Variants in HTT observed in about 807,000 individuals in gnomAD.
HTT encodes the protein huntington disease protein.
HTT carries 104 observed loss-of-function variants against 362.3 expected under a neutral mutation model. The ratio of observed to expected loss-of-function variants is 0.29; its 90% CI spans 0.24 to 0.34. The LOEUF is 0.34. Ranked by LOEUF, HTT falls within the 10% of genes least tolerant of loss-of-function variation. The pLI is 1.00. For synonymous variants in HTT, 1,577 were observed against 1,548.7 expected (o/e 1.02, Z -0.43); for missense variants, 3,301 against 3,928.6 (o/e 0.84, Z 4.27).
intron 49 of HTT, 130 bp from the exon 50 acceptor site, chr4:3,213,825 CCTT>C (rs1192093859): frequency 8.9e-6 from 6 of 673,668 alleles, no homozygotes; most frequent in Non-Finnish European, 1.4e-5. Context: ...TCAGAGCTGT[CCTT>C]CTGGAAGGGC....
At position 3,135,944 on chromosome 4, in the gene HTT, A is replaced by G; in HGVS notation, c.2674A>G (p.Arg892Gly). Residue 892 changes from arginine to glycine, a missense_variant, in exon 20 of 67, where the codon AGA becomes GGA. Arg to Gly is a moderately radical substitution (Grantham distance 125). This residue lies in a region of HTT where 2,316 missense variants were observed against 2,658.5 expected (regional missense o/e 0.87). Transcript: ENST00000355072. ...GGAGGCAAAAGCAGAAAACTTACAC[A>G]GAGGGGCTCATCATTATACAGGGGT... ...FLEAKAENLH[R>G]GAHHYTGLLK... The G allele has an allele frequency of 6.2e-7, 1 of 1,605,074 alleles. No individual in the cohort carries two copies. Among genetic ancestry groups the G allele is most frequent in the Non-Finnish European group, 8.5e-7 (1 of 1,177,180 alleles).
intron 60 of HTT, among the ~76,000 whole-genome samples, chr4:3,231,735 G>T (rs1386639487): frequency 6.6e-6 from 1 of 152,150 alleles, no homozygotes; most frequent in Non-Finnish European, 1.5e-5. Flanking sequence ...TTGCCCACAC[G>T]ATGTCAAAGC....
Position 3,105,441 on chromosome 4 carries a change from GT to G in HTT, c.608+7del, listed in dbSNP as rs773551460. On this transcript the variant is annotated splice_donor_region_variant and intron_variant, in intron 5 of 66. Transcript: ENST00000355072. The stretch of plus-strand genomic sequence containing the variant: ...GGTTCGGCCTCAGAAATGCAGGTAA[GT>G]TGTACACTCTGGATGTTGGTTTTTG... 5.4e-5 allele frequency: 86 copies of G among 1,601,326 alleles called. No homozygotes were observed. In the African/African-American group the frequency reaches 9.8e-4, roughly 18 times the overall value.
At chr4:3,239,108 C>G (rs558454631) in intron 66 of HTT, 130 bp downstream of exon 66, 2 of 962,398 alleles carry the variant, frequency 2.1e-6, no homozygotes, top group East Asian at 5.3e-5. Context: ...GGCCCTCAGC[C>G]CCAGGGAAGT....
At chr4:3,116,406 T>G in intron 8 of HTT, 143 bp downstream of exon 8, 2 of 659,902 alleles carry the variant, frequency 3.0e-6, no homozygotes, top group Non-Finnish European at 5.2e-6. Context: ...CCCTAGGTGC[T>G]GACCTCTAGC....
At chr4:3,083,844 C>T (rs911437883) in intron 1 of HTT, among the ~76,000 whole-genome samples, 7 of 152,256 alleles carry the variant, frequency 4.6e-5, no homozygotes, top group African/African-American at 1.7e-4. Flanking sequence ...CTCAAGTATG[C>T]ATAGCAGCTT....
At chr4:3,184,097 A>G (rs892935058) in intron 37 of HTT, among the ~76,000 whole-genome samples, 4 of 151,790 alleles carry the variant, frequency 2.6e-5, no homozygotes, top group Non-Finnish European at 4.4e-5. Flanking sequence ...GAGGGAAGAG[A>G]GTTAGGTGGT....
At chr4:3,157,303 G>A (rs1717197591) in intron 28 of HTT, 104 bp downstream of exon 28, 7 of 1,086,538 alleles carry the variant, frequency 6.4e-6, no homozygotes, top group Admixed American at 2.4e-5. Context: ...AGCCCTTTGA[G>A]ATATGAGTTA....
At position 3,222,447 on chromosome 4, in the gene HTT, C is replaced by G; in HGVS notation, c.7430C>G (p.Thr2477Arg). 1.9e-6 allele frequency: 3 copies of G among 1,614,156 alleles called. No homozygotes were observed. Among genetic ancestry groups the G allele is most frequent in the Non-Finnish European group, 2.5e-6 (3 of 1,180,036 alleles). The change falls in exon 54 of 67, where the codon ACG becomes AGG. Residue 2477 changes from threonine (T) to arginine (R), a missense_variant. Coordinates refer to ENST00000355072, the MANE Select transcript of HTT (RefSeq NM_001388492.1). The part of the protein sequence containing the change: ...TWATLLGVLV[T>R]QPLVMEQEES... ...GCCACCCTCCTTGGTGTCCTGGTGA[C>G]GCAGCCCCTCGTGATGGAGCAGGAG...
chr4:3,087,178 C>A (rs1049501890), intron 2 of HTT, among the ~76,000 whole-genome samples, 156 bp downstream of exon 2: 3 of 152,176 alleles, frequency 2.0e-5, no homozygotes, highest in African/African-American at 7.2e-5. Flanking sequence ...TGGCTATATA[C>A]AAGGATATCC....
At chr4:3,160,489 G>A (rs2110218199) in intron 29 of HTT, 97 bp downstream of exon 29, 1 of 852,544 alleles carries the variant, frequency 1.2e-6, no homozygotes, top group Non-Finnish European at 1.9e-6. Context: ...GTTCTCCAGG[G>A]TGCCTCCGGG....
chr4:3,143,889 C>A (rs1245784265), intron 23 of HTT, among the ~76,000 whole-genome samples: 1 of 152,110 alleles, frequency 6.6e-6, no homozygotes, highest in Non-Finnish European at 1.5e-5. Flanking sequence ...AGGTGTGAGC[C>A]ACCATGCCTG....
intron 35 of HTT, 113 bp downstream of exon 35, chr4:3,178,559 T>A: frequency 1.2e-6 from 1 of 855,038 alleles, no homozygotes. Flanking sequence ...CTTCTCAGGC[T>A]CTGCATGTGT....
intron 2 of HTT, among the ~76,000 whole-genome samples, chr4:3,095,535 G>A (rs942565913): frequency 6.6e-6 from 1 of 152,172 alleles, no homozygotes; most frequent in African/African-American, 2.4e-5. Context: ...GGGCGAGGGC[G>A]AGGGAATTCC....
At chr4:3,123,045 A>G (rs1578516457) in intron 10 of HTT, 109 bp downstream of exon 10, 4 of 758,074 alleles carry the variant, frequency 5.3e-6, no homozygotes, top group East Asian at 5.4e-5. Context: ...GACTCTGTGT[A>G]TATCTCTTCT....
chr4:3,166,111 T>G (rs190584539), intron 29 of HTT, among the ~76,000 whole-genome samples: 53 of 152,266 alleles, frequency 3.5e-4, no homozygotes, highest in Middle Eastern at 6.8e-3. Context: ...GGTGTCCTTT[T>G]TGTTGATGTT....
intron 21 of HTT, among the ~76,000 whole-genome samples, chr4:3,137,832 T>C (rs1263077186): frequency 6.6e-6 from 1 of 152,246 alleles, no homozygotes; most frequent in Non-Finnish European, 1.5e-5. Flanking sequence ...AGTTTGTTCA[T>C]TTTTATTGGC....
At chr4:3,140,191 G>A (rs1399513173) in intron 21 of HTT, among the ~76,000 whole-genome samples, 5 of 151,680 alleles carry the variant, frequency 3.3e-5, no homozygotes, top group African/African-American at 9.7e-5. Flanking sequence ...AACCTGGACG[G>A]CAGAGGTTGC....
In HTT at chr4:3,157,153, A is replaced by T; in HGVS notation, c.3707A>T (p.Tyr1236Phe). 1 of 1,613,718 alleles carries T rather than the reference A, an allele frequency of 6.2e-7. No individual in the cohort carries two copies. The highest frequency in any genetic ancestry group is 8.5e-7 in the Non-Finnish European group (1 of 1,179,710). ...SLGSFYHLPSYLKLHDVLKAT... is the reference protein window; with the variant it reads ...SLGSFYHLPSFLKLHDVLKAT... ...GGGAGTTTCTATCATCTTCCTTCAT[A>T]CCTCAAACTGCATGATGTCCTGAAA... Residue 1236 changes from tyrosine (Y) to phenylalanine (F), a missense_variant, in exon 28 of 67, where the codon TAC becomes TTC. Coordinates refer to ENST00000355072, the MANE Select transcript of HTT (RefSeq NM_001388492.1).
Sources: gnomAD v4.1 joint callset for allele counts (sites outside exome capture counted in the v4.1 genomes callset) on GRCh38, gnomAD v4.1.1 for gene constraint, gnomAD v4.1.1 regional missense constraint, MANE v1.5 for transcripts, NCBI Gene and HGNC (gene_info 2026-07-23, HGNC 2026-07-21) for gene names.